Variants in PRPF18 observed in about 807,000 individuals in gnomAD.
The protein encoded by PRPF18 is pre-mRNA-splicing factor 18.
Under a neutral mutation model 46.5 loss-of-function variants are expected in PRPF18, and 38 were observed. The observed-to-expected ratio is 0.82, with a 90% CI of 0.63 to 1.07. The LOEUF (loss-of-function observed/expected upper bound fraction) is 1.07, where lower values mean the gene tolerates loss of function less well. Among genes scored for constraint, PRPF18 ranks in the 50% least tolerant of loss-of-function variants. The pLI, the probability that PRPF18 is intolerant of heterozygous loss-of-function variation, is 0.00. For missense variants in PRPF18, 263 were observed against 410.0 expected, an observed-to-expected ratio of 0.64 and a Z score of 3.10; for synonymous variants, 152 against 146.7, an observed-to-expected ratio of 1.04 and a Z score of -0.26.
downstream of PRPF18, among the ~76,000 whole-genome samples, chr10:13,634,945 T>C (rs2080623374): frequency 6.6e-6 from 1 of 152,198 alleles, no homozygotes; most frequent in Non-Finnish European, 1.5e-5. Context: ...GTTTGTTGCA[T>C]AGGTGAACAT....
At chr10:13,632,711 GAGA>G (rs1371630226), downstream of PRPF18, 2 of 152,212 alleles carry the variant, frequency 1.3e-5, no homozygotes, top group Non-Finnish European at 2.9e-5. Flanking sequence ...GATCCCCTCA[GAGA>G]AGTTTTCCAT....
intron 3 of PRPF18, among the ~76,000 whole-genome samples, chr10:13,604,913 T>C (rs1235805400): frequency 6.6e-6 from 1 of 152,224 alleles, no homozygotes; most frequent in Non-Finnish European, 1.5e-5. Flanking sequence ...TTATGTAAAA[T>C]GAGGGCCACA....
chr10:13,625,585 C>G (rs2080491146), intron 9 of PRPF18, among the ~76,000 whole-genome samples: 1 of 152,092 alleles, frequency 6.6e-6, no homozygotes, highest in Admixed American at 6.5e-5. Context: ...GAAAACGTCC[C>G]AGACCTGAAG....
chr10:13,614,117 T>C (rs1475753645), intron 8 of PRPF18, 31 bp downstream of exon 8: 11 of 1,471,640 alleles, frequency 7.5e-6, no homozygotes, highest in African/African-American at 1.4e-5. Context: ...TTGAAATTGT[T>C]AAGAGTATAT....
the PRPF18 span, chr10:13,644,376 A>T: frequency 6.6e-6 from 1 of 152,250 alleles, no homozygotes; most frequent in Non-Finnish European, 1.5e-5. Context: ...ATCATTAATC[A>T]TGTCAGTCTC....
At chr10:13,634,602 T>G (rs971804419), downstream of PRPF18, among the ~76,000 whole-genome samples, 3 of 152,200 alleles carry the variant, frequency 2.0e-5, no homozygotes, top group Admixed American at 6.5e-5. Context: ...GCGCCTGCCT[T>G]TCTAAGTTTG....
chr10:13,603,499 A>G (rs1253711854), intron 3 of PRPF18, among the ~76,000 whole-genome samples: 1 of 152,206 alleles, frequency 6.6e-6, no homozygotes, highest in Non-Finnish European at 1.5e-5. Context: ...ACTCCTCACA[A>G]CTTGGCCTAA....
At chr10:13,592,775 T>C (rs3829209) in intron 1 of PRPF18, among the ~76,000 whole-genome samples, 76,828 of 152,090 alleles carry the variant, frequency 0.51, 20,661 homozygotes, top group Non-Finnish European at 0.61. Context: ...TTTTACTAGT[T>C]GTAGTTATGA....
At chr10:13,634,647 A>G (rs1193367459), downstream of PRPF18, among the ~76,000 whole-genome samples, 1 of 152,212 alleles carries the variant, frequency 6.6e-6, no homozygotes, top group Admixed American at 6.5e-5. Context: ...AAAGCTGTAG[A>G]ATTTGAAACT....
intron 1 of PRPF18, chr10:13,591,980 A>G (rs1346568983): frequency 2.0e-5 from 19 of 951,614 alleles, no homozygotes; most frequent in Non-Finnish European, 1.6e-6. Context: ...CATCTTCAGT[A>G]GGAAAATATC....
intron 1 of PRPF18, chr10:13,591,655 C>T: frequency 1.6e-6 from 1 of 617,316 alleles, no homozygotes; most frequent in South Asian, 1.8e-5. Flanking sequence ...GTCTGGGCTT[C>T]TGCAGCTGCT....
the PRPF18 span, chr10:13,654,511 A>AGCT: frequency 6.2e-7 from 1 of 1,604,166 alleles, no homozygotes; most frequent in Non-Finnish European, 8.5e-7. Context: ...GAGGTAAGGC[A>AGCT]GCTACATGCA....
intron 2 of PRPF18, 44 bp from the exon 3 acceptor site, chr10:13,600,200 A>C (rs200129981): frequency 7.0e-7 from 1 of 1,431,408 alleles, no homozygotes; most frequent in African/African-American, 1.4e-5. Flanking sequence ...AATATCAACT[A>C]TATTTTTAAA....
chr10:13,595,409 G>T (rs77606201), intron 1 of PRPF18, among the ~76,000 whole-genome samples: 2 of 127,380 alleles, frequency 1.6e-5, no homozygotes, highest in Admixed American at 1.6e-4. Flanking sequence ...TTTCTACACA[G>T]CCCTTTCTGA....
At chr10:13,592,638 G>A (rs982028710) in intron 1 of PRPF18, among the ~76,000 whole-genome samples, 7 of 152,274 alleles carry the variant, frequency 4.6e-5, no homozygotes, top group African/African-American at 1.7e-4. Context: ...ACCACCCTGA[G>A]GTAAATGTGT....
In PRPF18 at chr10:13,610,300, G is replaced by GTTTATTTACTCCTCGCTTTTA. The variant is rs1253585624; in HGVS notation, c.510+128_510+148dup. The GTTTATTTACTCCTCGCTTTTA allele has an allele frequency of 5.4e-5, 62 of 1,144,282 alleles. No individual in the cohort carries two copies. The African/African-American group carries it at 9.3e-4, about 17-fold the overall frequency. 70.9% of individuals were successfully genotyped at this position (1,144,282 alleles called of 1,614,324 possible). ...AGCACACTGTTGTCCTTGGTCTTTTGTTTATTTACTCCTCGCTTTTATTTA... is the reference window on the plus strand; with the variant it reads ...AGCACACTGTTGTCCTTGGTCTTTTGTTTATTTACTCCTCGCTTTTATTTATTTACTCCTCGCTTTTATTTA... On this transcript the variant is annotated intron_variant, in intron 5 of 9. Transcript: ENST00000378572.
chr10:13,606,883 T>G (rs566132619), intron 4 of PRPF18, among the ~76,000 whole-genome samples: 16 of 151,902 alleles, frequency 1.1e-4, no homozygotes, highest in African/African-American at 3.6e-4. Flanking sequence ...ATAATAAGAG[T>G]AGATGTATGC....
At chr10:13,587,791 A>C (rs1454134311) in intron 1 of PRPF18, among the ~76,000 whole-genome samples, 1 of 152,210 alleles carries the variant, frequency 6.6e-6, no homozygotes, top group Non-Finnish European at 1.5e-5. Flanking sequence ...TCTCGCGTTC[A>C]TAAGTCCCTA....
chr10:13,648,929 A>G, the PRPF18 span, among the ~76,000 whole-genome samples: 410 of 152,260 alleles, frequency 2.7e-3, 1 homozygote, highest in South Asian at 0.016. Flanking sequence ...AGGGGAAAAA[A>G]AGCTTCCATG....
Sources: allele counts gnomAD v4.1 joint callset (sites outside exome capture counted in the v4.1 genomes callset), GRCh38; gene constraint gnomAD v4.1.1; transcripts MANE v1.5; gene names NCBI Gene and HGNC (gene_info 2026-07-23, HGNC 2026-07-21).